The following SLC9A9 variants were observed in gnomAD, a reference collection of about 807,000 sequenced individuals.
SLC9A9 encodes solute carrier family 9 member A9.
A neutral mutation model predicts 77.8 loss-of-function variants in SLC9A9; 62 were observed. The ratio of observed to expected loss-of-function variants is 0.80; its 90% confidence interval spans 0.65 to 0.98. The LOEUF is 0.98. SLC9A9 is among the 50% of genes least tolerant of loss of function. SLC9A9 has a pLI of 0.00. For missense variants in SLC9A9, 775 were observed against 774.9 expected (o/e 1.00, Z 0.00); for synonymous variants, 320 against 283.5 (o/e 1.13, Z -1.29).
intron 4 of SLC9A9, among the ~76,000 whole-genome samples, chr3:143,739,908 C>G (rs1935036224): frequency 6.6e-6 from 1 of 152,162 alleles, no homozygotes; most frequent in African/African-American, 2.4e-5. Context: ...CTCAATGAAC[C>G]CTTCAAGTTT....
rs2032901487 is a variant in SLC9A9, at chr3:143,366,356, G to A, written c.1525-2793C>T. 2.0e-5 allele frequency among the ~76,000 whole-genome samples: 3 copies of A among 152,326 alleles called. No individual in the cohort carries two copies. In the South Asian group the frequency reaches 6.2e-4, roughly 32 times the overall value. On this transcript the variant is annotated intron_variant, in intron 13 of 15. Transcript: ENST00000316549. The stretch of plus-strand genomic sequence containing the variant: ...AGGGATTTTAGAGAGTCCTAGAGAA[G>A]GAAAGAAGTGAGTTCAAAGTCACAC...
At chr3:143,271,611 A>G (rs1238218241) in intron 14 of SLC9A9, among the ~76,000 whole-genome samples, 2 of 152,218 alleles carry the variant, frequency 1.3e-5, no homozygotes, top group African/African-American at 2.4e-5. Context: ...ACCCAGATTC[A>G]TGGACTACTA....
At chr3:143,582,146 G>A (rs1314595864) in intron 6 of SLC9A9, among the ~76,000 whole-genome samples, 1 of 152,178 alleles carries the variant, frequency 6.6e-6, no homozygotes, top group Non-Finnish European at 1.5e-5. Flanking sequence ...CAGTCATATT[G>A]TGGGTACTTT....
At chr3:143,817,699 G>A (rs1278007125) in intron 2 of SLC9A9, among the ~76,000 whole-genome samples, 2 of 152,044 alleles carry the variant, frequency 1.3e-5, no homozygotes, top group Non-Finnish European at 1.5e-5. Context: ...TAGGTATTTG[G>A]TAATTAATCC....
chr3:143,480,386 A>G (rs2035553219), intron 11 of SLC9A9, among the ~76,000 whole-genome samples: 1 of 152,210 alleles, frequency 6.6e-6, no homozygotes, highest in Non-Finnish European at 1.5e-5. Flanking sequence ...TTTTCTCAGC[A>G]TTGGAGACTG....
At chr3:143,413,608 A>G (rs1420716616) in intron 12 of SLC9A9, among the ~76,000 whole-genome samples, 2 of 152,156 alleles carry the variant, frequency 1.3e-5, no homozygotes, top group Non-Finnish European at 2.9e-5. Context: ...CCAGACCTCT[A>G]TGTGACTCGG....
intron 5 of SLC9A9, among the ~76,000 whole-genome samples, chr3:143,653,546 G>A (rs1576636076): frequency 1.3e-5 from 2 of 152,266 alleles, no homozygotes; most frequent in Admixed American, 1.3e-4. Context: ...GGAAATAAAA[G>A]CAAGACAGAC....
chr3:143,762,254 T>A (rs1269571325), intron 4 of SLC9A9, among the ~76,000 whole-genome samples: 1 of 152,180 alleles, frequency 6.6e-6, no homozygotes, highest in Non-Finnish European at 1.5e-5. Context: ...GACGAGTTAA[T>A]GGGTGCAGCA....
intron 13 of SLC9A9, among the ~76,000 whole-genome samples, chr3:143,377,497 A>C (rs1054228208): frequency 5.3e-5 from 8 of 152,124 alleles, no homozygotes; most frequent in African/African-American, 1.9e-4. Flanking sequence ...GCTGACTTTC[A>C]TGTGCTGCAG....
chr3:143,395,057 C>G (rs1171446641), intron 12 of SLC9A9, among the ~76,000 whole-genome samples: 4 of 152,200 alleles, frequency 2.6e-5, no homozygotes, highest in Non-Finnish European at 5.9e-5. Flanking sequence ...CCATCCCCAT[C>G]AAGCTACCAA....
intron 4 of SLC9A9, among the ~76,000 whole-genome samples, chr3:143,790,186 C>T (rs926484212): frequency 3.3e-5 from 5 of 152,152 alleles, no homozygotes; most frequent in African/African-American, 7.2e-5. Flanking sequence ...GTGCCTTCTG[C>T]CATGATTGTA....
At chr3:143,399,175 TA>T (rs1370272390) in intron 12 of SLC9A9, among the ~76,000 whole-genome samples, 1 of 152,194 alleles carries the variant, frequency 6.6e-6, no homozygotes, top group Non-Finnish European at 1.5e-5. Flanking sequence ...GTAAATATCT[TA>T]ATTTTAAAAG....
At chr3:143,680,728 T>C (rs1933061220) in intron 5 of SLC9A9, among the ~76,000 whole-genome samples, 1 of 152,212 alleles carries the variant, frequency 6.6e-6, no homozygotes, top group Non-Finnish European at 1.5e-5. Context: ...GCAGCTTTAT[T>C]TCCTAATTTC....
chr3:143,493,631 A>G, intron 11 of SLC9A9, 22 bp downstream of exon 11: 2 of 1,591,064 alleles, frequency 1.3e-6, no homozygotes, highest in South Asian at 1.1e-5. Context: ...AGCAGCACTA[A>G]CATATAACAT....
chr3:143,523,638 C>G (rs560559953), intron 9 of SLC9A9, among the ~76,000 whole-genome samples: 51 of 152,222 alleles, frequency 3.4e-4, no homozygotes, highest in African/African-American at 1.2e-3. Flanking sequence ...GAATTTAATA[C>G]CTACTGTGCA....
chr3:143,729,297 A>C (rs1333589479), intron 4 of SLC9A9, among the ~76,000 whole-genome samples: 2 of 152,284 alleles, frequency 1.3e-5, no homozygotes, highest in East Asian at 3.9e-4. Flanking sequence ...ACTCTTCTAC[A>C]TTTCAGCCAT....
At chr3:143,394,252 C>T (rs886321884) in intron 12 of SLC9A9, among the ~76,000 whole-genome samples, 1 of 152,184 alleles carries the variant, frequency 6.6e-6, no homozygotes, top group African/African-American at 2.4e-5. Flanking sequence ...AGCTTATCCA[C>T]CATGATCAAG....
At chr3:143,565,661 G>A (rs1242126109) in intron 8 of SLC9A9, among the ~76,000 whole-genome samples, 2 of 151,786 alleles carry the variant, frequency 1.3e-5, no homozygotes, top group East Asian at 1.9e-4. Context: ...CTTGAGAATT[G>A]TAGGCACTAT....
At chr3:143,391,088 C>G (rs2033554837) in intron 12 of SLC9A9, among the ~76,000 whole-genome samples, 1 of 152,236 alleles carries the variant, frequency 6.6e-6, no homozygotes, top group African/African-American at 2.4e-5. Context: ...TGTCTGACAG[C>G]TTTGAAGAGA....
Sources: gnomAD v4.1 joint callset for allele counts (sites outside exome capture counted in the v4.1 genomes callset) on GRCh38, gnomAD v4.1.1 for gene constraint, MANE v1.5 for transcripts, NCBI Gene and HGNC (gene_info 2026-07-23, HGNC 2026-07-21) for gene names.